GCNT1: variants seen among roughly 807,000 people sequenced by gnomAD.
GCNT1 encodes glucosaminyl (N-acetyl) transferase 1.
In GCNT1, 16 loss-of-function variants were observed where a neutral mutation model predicts 26.2. That is an observed-to-expected ratio of 0.61 (90% confidence interval 0.41 to 0.93). The LOEUF is 0.93. GCNT1 is among the 40% of genes least tolerant of loss of function. The pLI is 0.00. For synonymous variants in GCNT1, 183 were observed against 190.8 expected (o/e 0.96, Z 0.34); for missense variants, 477 against 526.7 (o/e 0.91, Z 0.92).
At chr9:76,456,421 C>T (rs1823758277), upstream of GCNT1, among the ~76,000 whole-genome samples, 1 of 152,210 alleles carries the variant, frequency 6.6e-6, no homozygotes, top group Non-Finnish European at 1.5e-5. Context: ...GGGGCCCTCT[C>T]CTGGCTGTTA....
intron 1 of GCNT1, among the ~76,000 whole-genome samples, chr9:76,428,240 T>TG (rs1244358082): frequency 1.8e-4 from 17 of 95,530 alleles, no homozygotes; most frequent in Non-Finnish European, 2.7e-4. Flanking sequence ...CACTCCGGCC[T>TG]GGGTAAAAGA....
Position 76,503,437 on chromosome 9 carries a change from G to A in GCNT1, c.1056G>A (p.Arg352=). 6.2e-7 allele frequency: 1 copy of A among 1,614,144 alleles called. No individual in the cohort carries two copies. Among genetic ancestry groups the A allele is most frequent in the Non-Finnish European group, 8.5e-7 (1 of 1,180,014 alleles). The change falls in exon 4 of 4, where the codon AGG becomes AGA. Residue 352 remains arginine (R), a synonymous_variant. Transcript: ENST00000376730. ...YDLSDMQAVA[R]FVKWQYFEGD... ...TGTCTGACATGCAAGCAGTTGCCAG[G>A]TTTGTCAAGTGGCAGTACTTTGAGG...
chr9:76,502,250 A>T lies in GCNT1; in HGVS notation c.-132A>T. On this transcript the variant is annotated 5_prime_UTR_variant, in exon 4 of 4. Coordinates refer to ENST00000376730, the MANE Select transcript of GCNT1 (RefSeq NM_001490.5). The stretch of plus-strand genomic sequence containing the variant: ...TTCTTTTATTTCAGTGCTGCTCTTC[A>T]TTTCAAGATGCCGTTGCAGCTCTGA... 1 of 479,362 alleles carries T rather than the reference A, an allele frequency of 2.1e-6. No homozygotes were observed. The highest frequency in any genetic ancestry group is 3.7e-6 in the Non-Finnish European group (1 of 267,876). 29.7% of individuals were successfully genotyped at this position (479,362 alleles called of 1,614,324 possible).
At chr9:76,484,621 C>T (rs945980553) in intron 2 of GCNT1, among the ~76,000 whole-genome samples, 23 of 152,008 alleles carry the variant, frequency 1.5e-4, no homozygotes, top group African/African-American at 4.4e-4. Context: ...TGGAAAACTG[C>T]GCCGTATATA....
the GCNT1 span, among the ~76,000 whole-genome samples, chr9:76,414,626 G>C: frequency 1.3e-5 from 2 of 152,212 alleles, no homozygotes; most frequent in African/African-American, 2.4e-5. Flanking sequence ...TTCAGAAACT[G>C]AGGGTCCCTC....
chr9:76,422,645 TA>T (rs1436339292), intron 1 of GCNT1, among the ~76,000 whole-genome samples: 1 of 152,150 alleles, frequency 6.6e-6, no homozygotes, highest in African/African-American at 2.4e-5. Context: ...CTTGACCTCC[TA>T]GGCTCAAGTG....
chr9:76,480,156 G>A (rs1824380987), intron 2 of GCNT1, among the ~76,000 whole-genome samples: 1 of 152,204 alleles, frequency 6.6e-6, no homozygotes, highest in African/African-American at 2.4e-5. Flanking sequence ...TCAAAGACAA[G>A]ATAGTTGTAG....
chr9:76,500,185 G>A (rs1209303314), intron 2 of GCNT1, among the ~76,000 whole-genome samples: 1 of 151,774 alleles, frequency 6.6e-6, no homozygotes, highest in East Asian at 1.9e-4. Flanking sequence ...TGTCAACCAT[G>A]GAAATCAGAT....
At chr9:76,496,039 AC>A (rs1824899924) in intron 2 of GCNT1, among the ~76,000 whole-genome samples, 1 of 152,012 alleles carries the variant, frequency 6.6e-6, no homozygotes, top group Non-Finnish European at 1.5e-5. Flanking sequence ...AGTAAAAAAA[AC>A]TCCTGCCCTG....
At chr9:76,468,277 G>A (rs1403134023) in intron 2 of GCNT1, among the ~76,000 whole-genome samples, 1 of 152,164 alleles carries the variant, frequency 6.6e-6, no homozygotes, top group Non-Finnish European at 1.5e-5. Context: ...CCTAGCTGGA[G>A]CCCTGCTCAC....
chr9:76,489,420 T>C (rs1824668175), intron 2 of GCNT1, among the ~76,000 whole-genome samples: 1 of 152,112 alleles, frequency 6.6e-6, no homozygotes, highest in South Asian at 2.1e-4. Context: ...CAGCAAGATT[T>C]ATTGTGAAGA....
intron 1 of GCNT1, among the ~76,000 whole-genome samples, chr9:76,451,948 C>CTTTTTTTTTTTTTTTTTTTTT (rs747978017): frequency 7.1e-5 from 7 of 98,392 alleles, no homozygotes; most frequent in Non-Finnish European, 1.2e-4. Context: ...TTCTTTCTTT[C>CTTTTTTTTTTTTTTTTTTTTT]TTTTTTTTTT....
the GCNT1 span, chr9:76,399,165 A>G: frequency 6.8e-6 from 10 of 1,469,196 alleles, no homozygotes; most frequent in South Asian, 1.1e-5. Context: ...CCTATGCGCT[A>G]TGTGGACATT....
upstream of GCNT1, among the ~76,000 whole-genome samples, chr9:76,437,152 A>T (rs1248956229): frequency 1.3e-5 from 2 of 151,978 alleles, no homozygotes; most frequent in African/African-American, 4.8e-5. Context: ...GGAAAAAAAG[A>T]GAGAGAGAGA....
the GCNT1 span, among the ~76,000 whole-genome samples, chr9:76,397,245 G>A: frequency 6.6e-6 from 1 of 151,680 alleles, no homozygotes; most frequent in African/African-American, 2.4e-5. Context: ...TTGCTCCATT[G>A]TACTCCAGCC....
At chr9:76,400,459 T>C in the GCNT1 span, among the ~76,000 whole-genome samples, 5 of 152,188 alleles carry the variant, frequency 3.3e-5, no homozygotes, top group African/African-American at 1.2e-4. Context: ...TGCTTTTTCG[T>C]GCTGCTATAA....
intron 1 of GCNT1, among the ~76,000 whole-genome samples, chr9:76,446,049 G>A (rs1035563124): frequency 6.6e-6 from 1 of 151,998 alleles, no homozygotes; most frequent in Non-Finnish European, 1.5e-5. Flanking sequence ...GAGTGTGTGG[G>A]GGAAACAGGA....
intron 1 of GCNT1, among the ~76,000 whole-genome samples, chr9:76,434,890 C>T (rs1823387320): frequency 6.6e-6 from 1 of 152,116 alleles, no homozygotes. Flanking sequence ...CTGAAATACG[C>T]CCCGTCTCCT....
rs185265126 is a variant in GCNT1, at chr9:76,505,812, T to A, written c.*2144T>A. 3.0e-5 allele frequency: 5 copies of A among 166,490 alleles called. No individual in the cohort carries two copies. The East Asian group carries it at 9.6e-4, about 32-fold the overall frequency. The allele number at this position is 166,490 out of a possible 1,614,324, so 10.3% of individuals were successfully genotyped here. The stretch of plus-strand genomic sequence containing the variant: ...ATGTGTGACTGCATCTGATTTATAT[T>A]TAAATTGGCAGGTTTTGAGGGATTT... On this transcript the variant is annotated 3_prime_UTR_variant, in exon 4 of 4. Coordinates refer to ENST00000376730, the MANE Select transcript of GCNT1 (RefSeq NM_001490.5).
Sources: allele counts gnomAD v4.1 joint callset (sites outside exome capture counted in the v4.1 genomes callset), GRCh38; gene constraint gnomAD v4.1.1; transcripts MANE v1.5; gene names NCBI Gene and HGNC (gene_info 2026-07-23, HGNC 2026-07-21).